Variants in ETF1 observed in about 807,000 individuals in gnomAD.
ETF1 encodes the protein eukaryotic translation termination factor 1.
A neutral mutation model predicts 55.1 loss-of-function variants in ETF1; 4 were observed. The observed-to-expected ratio is 0.07, with a 90% CI of 0.04 to 0.17. ETF1 has a LOEUF of 0.17. Ranked by LOEUF, ETF1 falls within the 10% of genes least tolerant of loss-of-function variation. ETF1 has a pLI of 1.00. For missense variants in ETF1, 142 were observed against 523.6 expected (o/e 0.27, Z 7.11); for synonymous variants, 157 against 182.3 (o/e 0.86, Z 1.12).
At chr5:138,531,678 C>T (rs1404649442) in intron 2 of ETF1, among the ~76,000 whole-genome samples, 2 of 152,202 alleles carry the variant, frequency 1.3e-5, no homozygotes, top group Non-Finnish European at 2.9e-5. Flanking sequence ...TGTGCCTAGG[C>T]TATGGATGGC....
intron 2 of ETF1, 88 bp from the exon 3 acceptor site, chr5:138,518,955 A>G: frequency 6.4e-7 from 1 of 1,564,330 alleles, no homozygotes; most frequent in Admixed American, 1.8e-5. Context: ...CTACAGGGAG[A>G]TGCCCCAAAG....
intron 2 of ETF1, chr5:138,542,565 T>G: frequency 7.6e-7 from 1 of 1,310,980 alleles, no homozygotes; most frequent in Non-Finnish European, 9.9e-7. Flanking sequence ...CCGGGAGAGG[T>G]GCAAAAGTAG....
chr5:138,529,710 T>G (rs902610885), intron 2 of ETF1: 1 of 984,526 alleles, frequency 1.0e-6, no homozygotes, highest in South Asian at 4.7e-5. Flanking sequence ...AAAAAGGAAT[T>G]GTAACAGAAC....
chr5:138,526,072 T>C (rs1050797648), intron 2 of ETF1, among the ~76,000 whole-genome samples: 1 of 152,136 alleles, frequency 6.6e-6, no homozygotes, highest in African/African-American at 2.4e-5. Context: ...TTAAAGGGTA[T>C]ATAAGTTTAA....
intron 2 of ETF1, among the ~76,000 whole-genome samples, chr5:138,526,716 T>C (rs1765488324): frequency 6.6e-6 from 1 of 151,976 alleles, no homozygotes; most frequent in Admixed American, 6.6e-5. Flanking sequence ...TTGTTTTTTT[T>C]TTGAGATGGA....
intron 5 of ETF1, 104 bp downstream of exon 5, chr5:138,513,464 A>C: frequency 9.7e-7 from 1 of 1,029,484 alleles, no homozygotes; most frequent in South Asian, 1.8e-5. Context: ...TCGGCCTCCC[A>C]AAGTGCTGGG....
At chr5:138,527,579 G>A (rs1765527223) in intron 2 of ETF1, among the ~76,000 whole-genome samples, 1 of 152,146 alleles carries the variant, frequency 6.6e-6, no homozygotes, top group South Asian at 2.1e-4. Context: ...GAAACACTGG[G>A]CAACTAAACA....
intron 2 of ETF1, among the ~76,000 whole-genome samples, chr5:138,540,744 C>T (rs1055375216): frequency 2.0e-5 from 3 of 152,188 alleles, no homozygotes; most frequent in Non-Finnish European, 2.9e-5. Flanking sequence ...ACTTGAAATA[C>T]AAGTTGTGTC....
rs35261297 is a variant in ETF1, at chr5:138,535,874, CAAA to C, written c.86+6956_86+6958del. The stretch of plus-strand genomic sequence containing the variant: ...TGGGCGGGAAAGCGAGACTCCGCCT[CAAA>C]AAAAAAAAAAAAAAAAAAAAAAAGA... On this transcript the variant is annotated intron_variant, in intron 2 of 10. Transcript: ENST00000360541. 4.7e-3 allele frequency among the ~76,000 whole-genome samples: 272 copies of C among 57,808 alleles called. 1 individual carries two copies. Among genetic ancestry groups the C allele is most frequent in the African/African-American group, 0.02 (254 of 12,954 alleles). 37.9% of individuals were successfully genotyped at this position (57,808 alleles called of 152,430 possible).
rs112742186 is a variant in ETF1, at chr5:138,524,668, C to G, written c.87-5801G>C. Among the ~76,000 whole-genome samples the G allele has an allele frequency of 5.1e-3, 771 of 150,094 alleles. 7 individuals are homozygous for G. The highest frequency in any genetic ancestry group is 0.035 in the South Asian group (166 of 4,708). ...TCTCGGCTCACTGTAGCCTCTGCCT[C>G]CTGGGTTCAAGCAATTCTCCTGCCT... On this transcript the variant is annotated intron_variant, in intron 2 of 10. Coordinates refer to ENST00000360541, the MANE Select transcript of ETF1 (RefSeq NM_004730.4).
chr5:138,513,053 G>C (rs1303865399), intron 5 of ETF1, 99 bp from the exon 6 acceptor site: 3 of 1,401,308 alleles, frequency 2.1e-6, no homozygotes, highest in Non-Finnish European at 2.8e-6. Flanking sequence ...CTAAGAAAAG[G>C]ACAAAGAAAA....
At chr5:138,512,648 G>A in intron 6 of ETF1, 116 bp downstream of exon 6, 3 of 859,798 alleles carry the variant, frequency 3.5e-6, no homozygotes, top group Non-Finnish European at 1.7e-6. Context: ...TTAACTCAGA[G>A]GCAAGTTTTT....
chr5:138,512,274 A>T (rs1322563669), intron 6 of ETF1, among the ~76,000 whole-genome samples: 2 of 85,644 alleles, frequency 2.3e-5, no homozygotes, highest in African/African-American at 1.1e-4. Flanking sequence ...TTTTTTTTTT[A>T]AAGGCAATTT....
intron 8 of ETF1, 142 bp from the exon 9 acceptor site, chr5:138,510,771 T>C: frequency 7.3e-6 from 9 of 1,230,028 alleles, no homozygotes; most frequent in South Asian, 1.5e-5. Flanking sequence ...TAGCATACAC[T>C]GAGTGTCTAC....
intron 3 of ETF1, among the ~76,000 whole-genome samples, chr5:138,518,152 G>A (rs953231769): frequency 2.6e-4 from 38 of 148,958 alleles, no homozygotes; most frequent in African/African-American, 3.2e-4. Flanking sequence ...AGCTGAGATC[G>A]GATTACTGCA....
chr5:138,538,637 T>C (rs1255389682), intron 2 of ETF1, among the ~76,000 whole-genome samples: 1 of 152,166 alleles, frequency 6.6e-6, no homozygotes, highest in Non-Finnish European at 1.5e-5. Flanking sequence ...ATGTATCATT[T>C]TAGCTACAAC....
intron 1 of ETF1, 30 bp downstream of exon 1, chr5:138,543,067 G>A: frequency 3.9e-6 from 3 of 769,150 alleles, no homozygotes; most frequent in Non-Finnish European, 6.3e-6. Context: ...CGCCACAAAG[G>A]TCACCGGCCT....
intron 2 of ETF1, among the ~76,000 whole-genome samples, chr5:138,538,635 T>C (rs781354257): frequency 6.6e-6 from 1 of 152,100 alleles, no homozygotes; most frequent in South Asian, 2.1e-4. Flanking sequence ...CAATGTATCA[T>C]TTTAGCTACA....
At chr5:138,508,549 C>G in intron 10 of ETF1, 120 bp downstream of exon 10, 1 of 1,553,894 alleles carries the variant, frequency 6.4e-7, no homozygotes, top group Admixed American at 2.0e-5. Flanking sequence ...GCACCTGCTG[C>G]GTCAATCACC....
Sources: allele counts gnomAD v4.1 joint callset (sites outside exome capture counted in the v4.1 genomes callset), GRCh38; gene constraint gnomAD v4.1.1; transcripts MANE v1.5; gene names NCBI Gene and HGNC (gene_info 2026-07-23, HGNC 2026-07-21).